Variants in PEX1 observed in about 807,000 individuals in gnomAD.
PEX1 encodes peroxisomal biogenesis factor 1.
PEX1 carries 97 observed loss-of-function variants against 152.5 expected under a neutral mutation model. That is an observed-to-expected ratio of 0.64 (90% CI 0.54 to 0.75). PEX1 has a LOEUF of 0.75. PEX1 is among the 30% of genes least tolerant of loss of function. The pLI is 0.00. For synonymous variants in PEX1, 485 were observed against 531.6 expected (o/e 0.91, Z 1.21); for missense variants, 1,357 against 1,516.3 (o/e 0.89, Z 1.74).
chr7:92,494,478 AATT>A lies in PEX1; in HGVS notation c.2926+6_2926+8del. ...TATAACATTCTATTTCTGTATTTAT[AATT>A]ATTACCCTGTAAGCCTTCTACTCCA... On this transcript the variant is annotated splice_donor_region_variant and intron_variant, in intron 18 of 23. Transcript: ENST00000248633. 2 of 1,613,294 alleles carry A rather than the reference AATT, an allele frequency of 1.2e-6. No individual in the cohort carries two copies. The highest frequency in any genetic ancestry group is 1.7e-6 in the Non-Finnish European group (2 of 1,179,266).
intron 21 of PEX1, 29 bp from the exon 22 acceptor site, chr7:92,489,940 TGGAA>T: frequency 1.3e-6 from 2 of 1,571,352 alleles, no homozygotes; most frequent in Non-Finnish European, 1.8e-6. Flanking sequence ...TAATGAAAGA[TGGAA>T]GGAAGAGGGG....
Position 92,489,292 on chromosome 7 carries a change from C to G in PEX1, c.3767+1G>C. The G allele has an allele frequency of 6.2e-7, 1 of 1,613,194 alleles. No homozygotes were observed. Among genetic ancestry groups the G allele is most frequent in the Non-Finnish European group, 8.5e-7 (1 of 1,179,400 alleles). ...CTTCCAAAACAGAATCTGTTACTTA[C>G]AGCTCAGCAAAATTCTTCCAGTCAT... On this transcript the variant is annotated splice_donor_variant, in intron 23 of 23. Transcript: ENST00000248633. LOFTEE classifies it high-confidence loss of function.
intron 5 of PEX1, among the ~76,000 whole-genome samples, chr7:92,515,862 C>T (rs959510319): frequency 1.3e-5 from 2 of 151,572 alleles, no homozygotes; most frequent in African/African-American, 2.4e-5. Flanking sequence ...GGAGTGGTGG[C>T]GCACACTTGT....
chr7:92,519,115 A>C (rs1011423744), intron 2 of PEX1, 37 bp from the exon 3 acceptor site: 1 of 1,184,942 alleles, frequency 8.4e-7, no homozygotes, highest in African/African-American at 1.5e-5. Context: ...ACTTTAAAAA[A>C]ACTTTTCTGT....
intron 9 of PEX1, among the ~76,000 whole-genome samples, chr7:92,508,389 T>A (rs2116189615): frequency 6.6e-6 from 1 of 152,052 alleles, no homozygotes; most frequent in African/African-American, 2.4e-5. Context: ...ATACAAAAAA[T>A]TAGGCAGGTG....
At position 92,528,300 on chromosome 7, in the gene PEX1, A is replaced by C. The variant is rs765006313; in HGVS notation, c.129+7T>G. 20 of 1,553,432 alleles carry C rather than the reference A, an allele frequency of 1.3e-5. No individual in the cohort carries two copies. The highest frequency in any genetic ancestry group is 5.9e-5 in the South Asian group (5 of 84,456). On this transcript the variant is annotated splice_region_variant and intron_variant, in intron 1 of 23. Transcript: ENST00000248633. ...GAAGATCAGGTGGCTCGGGGCCGGCAGGTTACCTGCAGCAGATGCAGCTGG... is the reference window on the plus strand; with the variant it reads ...GAAGATCAGGTGGCTCGGGGCCGGCCGGTTACCTGCAGCAGATGCAGCTGG...
intron 10 of PEX1, 59 bp from the exon 11 acceptor site, chr7:92,506,403 G>A: frequency 9.4e-7 from 1 of 1,064,818 alleles, no homozygotes. Context: ...AATAGTTCCT[G>A]TCATTGTGGC....
Position 92,520,877 on chromosome 7 carries a change from C to T in PEX1, c.273+1225G>A, listed in dbSNP as rs113156032. On this transcript the variant is annotated intron_variant, in intron 2 of 23. Transcript: ENST00000248633. The stretch of plus-strand genomic sequence containing the variant: ...ATCTCATTCTTCCAATCCTAAAGGT[C>T]TACTGAGATCCCCATTCTGAGGATG... Among the ~76,000 whole-genome samples, 19 of 152,324 alleles carry T rather than the reference C, an allele frequency of 1.2e-4. 1 individual carries two copies. Among genetic ancestry groups the T allele is most frequent in the African/African-American group, 4.3e-4 (18 of 41,576 alleles).
chr7:92,520,572 TA>T (rs892397575), intron 2 of PEX1, among the ~76,000 whole-genome samples: 7 of 152,336 alleles, frequency 4.6e-5, no homozygotes, highest in African/African-American at 1.7e-4. Flanking sequence ...ATTCTGTTTT[TA>T]AATGTTTCAG....
At chr7:92,506,768 A>G (rs1018220835) in intron 10 of PEX1, 1 of 574,108 alleles carries the variant, frequency 1.7e-6, no homozygotes, top group East Asian at 3.0e-5. Context: ...CTGACACAGA[A>G]AAAGGGCATG....
rs186331510 is a variant in PEX1 at position 92,493,213 on chromosome 7, T to C, written c.3031-84A>G. 4.4e-4 allele frequency: 349 copies of C among 794,594 alleles called. 1 individual carries two copies. The African/African-American group carries it at 5.1e-3, about 12-fold the overall frequency. The allele number at this position is 794,594 out of a possible 1,614,324, so 49.2% of individuals were successfully genotyped here. A position where few individuals can be genotyped will look rare whatever the true frequency, so the allele number is the denominator to read the frequency against. On this transcript the variant is annotated intron_variant, in intron 19 of 23. Coordinates refer to ENST00000248633, the MANE Select transcript of PEX1 (RefSeq NM_000466.3). ...ATTGTGTATCTTATGATTTTCTTCATAAATTAACCTTATATATCTAAAAAG... is the reference window on the plus strand; with the variant it reads ...ATTGTGTATCTTATGATTTTCTTCACAAATTAACCTTATATATCTAAAAAG...
In PEX1 at chr7:92,494,513, T is replaced by G; in HGVS notation, c.2900A>C (p.Gln967Pro). The change falls in exon 18 of 24, where the codon CAG (glutamine) becomes CCG (proline). Residue 967 changes from glutamine to proline, a missense_variant. Transcript: ENST00000248633. ...CTGTAAGCCTTCTACTCCATCCAAC[T>G]GAGTCAGCAACTGGTTAACTACTCG... ...TDRVVNQLLT[Q>P]LDGVEGLQGV... The G allele has an allele frequency of 6.2e-7, 1 of 1,613,940 alleles. No individual in the cohort carries two copies. The highest frequency in any genetic ancestry group is 8.5e-7 in the Non-Finnish European group (1 of 1,179,820).
At chr7:92,506,078 A>C (rs1383427714) in intron 11 of PEX1, among the ~76,000 whole-genome samples, 170 bp downstream of exon 11, 1 of 152,222 alleles carries the variant, frequency 6.6e-6, no homozygotes, top group Non-Finnish European at 1.5e-5. Context: ...AGAGTTTTAG[A>C]AATTTTATCA....
chr7:92,515,082 T>TCC lies in PEX1; in HGVS notation c.1240-1116_1240-1115insGG, dbSNP rs1291248843. Among the ~76,000 whole-genome samples the TCC allele has an allele frequency of 7.0e-3, 8 of 1,142 alleles. 1 individual carries two copies. Among genetic ancestry groups the TCC allele is most frequent in the African/African-American group, 0.059 (8 of 136 alleles). The allele number at this position is 1,142 out of a possible 152,430, so 0.7% of individuals were successfully genotyped here. The stretch of plus-strand genomic sequence containing the variant: ...AAAAAATTATCTATATATATATATA[T>TCC]ATATATATATATATATATATATATA... On this transcript the variant is annotated intron_variant, in intron 5 of 23. Transcript: ENST00000248633.
At chr7:92,514,562 A>G (rs1276476224) in intron 5 of PEX1, among the ~76,000 whole-genome samples, 1 of 152,224 alleles carries the variant, frequency 6.6e-6, no homozygotes, top group Non-Finnish European at 1.5e-5. Context: ...ACCAATGAAG[A>G]AGCTGGAATG....
chr7:92,519,005 C>A lies in PEX1; in HGVS notation c.347G>T (p.Trp116Leu). 6.2e-7 allele frequency: 1 copy of A among 1,609,404 alleles called. No homozygotes were observed. The highest frequency in any genetic ancestry group is 1.1e-5 in the South Asian group (1 of 90,994). ...TTTGGTTTTCTTTACCAGTATCTCC[C>A]AATCATCTGCTGAGAGGGGTTCCAC... is the stretch of plus-strand genomic sequence containing the variant. ...VEVEPLSADD[W>L]EILELHAVSL... Residue 116 changes from tryptophan to leucine, a missense_variant, in exon 3 of 24, where the codon TGG becomes TTG. Transcript: ENST00000248633.
intron 9 of PEX1, chr7:92,507,330 C>T: frequency 2.0e-6 from 1 of 490,988 alleles, no homozygotes; most frequent in Admixed American, 3.3e-5. Flanking sequence ...CCTCAAACGC[C>T]CTGGCAAAGG....
intron 2 of PEX1, among the ~76,000 whole-genome samples, chr7:92,519,818 C>T (rs1792974832): frequency 6.6e-6 from 1 of 151,950 alleles, no homozygotes; most frequent in Non-Finnish European, 1.5e-5. Flanking sequence ...CTGGAGTCAC[C>T]ATCTTACTTC....
chr7:92,513,581 G>A (rs1792581949), intron 6 of PEX1, among the ~76,000 whole-genome samples: 1 of 152,116 alleles, frequency 6.6e-6, no homozygotes. Context: ...TGTTTAATGG[G>A]TACCAAGTTT....
Sources: allele counts gnomAD v4.1 joint callset (sites outside exome capture counted in the v4.1 genomes callset), GRCh38; gene constraint gnomAD v4.1.1; transcripts MANE v1.5; gene names NCBI Gene and HGNC (gene_info 2026-07-23, HGNC 2026-07-21).